MON2: variants seen among roughly 807,000 people sequenced by gnomAD.
MON2 encodes the protein protein MON2 homolog.
MON2 carries 84 observed loss-of-function variants against 208.6 expected under a neutral mutation model. The ratio of observed to expected loss-of-function variants is 0.40; its 90% CI spans 0.34 to 0.48. The LOEUF (loss-of-function observed/expected upper bound fraction) is 0.48. Ranked by LOEUF, MON2 falls within the 20% of genes least tolerant of loss-of-function variation. MON2 has a pLI of 0.59. For synonymous variants in MON2, 660 were observed against 694.0 expected, an observed-to-expected ratio of 0.95 and a Z score of 0.77; for missense variants, 1,611 against 2,015.4, an observed-to-expected ratio of 0.80 and a Z score of 3.84.
chr12:62,554,973 T>C (rs952643339), intron 24 of MON2, among the ~76,000 whole-genome samples: 1 of 151,784 alleles, frequency 6.6e-6, no homozygotes, highest in African/African-American at 2.4e-5. Flanking sequence ...TTTTTTTGTA[T>C]TTTTAGTAGA....
In MON2 at chr12:62,538,159, G is replaced by A; in HGVS notation, c.2182G>A (p.Val728Ile). ...CGGTGCCTTGAAACCTGGGAGAGCT[G>A]TAGAAGGACCCAGTACAGTAAGCTC... ...SGGALKPGRA[V>I]EGPSTVLTTA... Residue 728 changes from valine to isoleucine, a missense_variant, in exon 17 of 35, where the codon GTA becomes ATA. Physicochemically the swap from Val to Ile is conservative, Grantham distance 29 (BLOSUM62 3). Transcript: ENST00000393630. 4 of 1,613,764 alleles carry A rather than the reference G, an allele frequency of 2.5e-6. No individual in the cohort carries two copies. The highest frequency in any genetic ancestry group is 3.4e-6 in the Non-Finnish European group (4 of 1,179,818).
At chr12:62,523,917 A>G (rs1212813075) in intron 8 of MON2, among the ~76,000 whole-genome samples, 1 of 152,146 alleles carries the variant, frequency 6.6e-6, no homozygotes, top group Non-Finnish European at 1.5e-5. Context: ...TGCCTTGAAC[A>G]TTATTTATTT....
chr12:62,579,559 T>TA (rs1475755677), intron 31 of MON2, among the ~76,000 whole-genome samples: 53,369 of 137,128 alleles, frequency 0.39, 10,283 homozygotes, highest in African/African-American at 0.47. Context: ...CCGTCTCTAC[T>TA]AAAAAAAAAA....
intron 2 of MON2, among the ~76,000 whole-genome samples, chr12:62,488,114 T>C (rs1159181737): frequency 6.6e-6 from 1 of 152,174 alleles, no homozygotes; most frequent in East Asian, 1.9e-4. Flanking sequence ...TTTTTCTACC[T>C]CTCTTTAATT....
chr12:62,588,268 C>G (rs1401430706), intron 34 of MON2, 112 bp downstream of exon 34: 2 of 683,270 alleles, frequency 2.9e-6, no homozygotes, highest in Non-Finnish European at 4.9e-6. Flanking sequence ...CATTAGACTT[C>G]TTTTCTCCAG....
rs1320209914 is a variant in MON2 at position 62,541,949 on chromosome 12, A to G, written c.2365-1148A>G. Among the ~76,000 whole-genome samples the G allele has an allele frequency of 2.6e-5, 4 of 152,262 alleles. No homozygotes were observed. In the East Asian group the frequency reaches 5.8e-4, roughly 22 times the overall value. ...ACTTTCTAACATTAGATAGTTTTCT[A>G]TATTATTATTATCTTCATTTTTTAG... On this transcript the variant is annotated intron_variant, in intron 19 of 34. Transcript: ENST00000393630.
At chr12:62,587,660 T>G (rs1315361683) in intron 33 of MON2, among the ~76,000 whole-genome samples, 1 of 152,106 alleles carries the variant, frequency 6.6e-6, no homozygotes. Flanking sequence ...GAGGATCACT[T>G]GAGCGCAAGT....
intron 2 of MON2, among the ~76,000 whole-genome samples, chr12:62,486,248 C>CT (rs966920137): frequency 1.6e-5 from 2 of 127,910 alleles, no homozygotes; most frequent in East Asian, 2.0e-4. Flanking sequence ...TTGTGGAAGA[C>CT]TTTTTTTAAA....
Position 62,538,124 on chromosome 12 carries a change from C to G in MON2, c.2147C>G (p.Pro716Arg), listed in dbSNP as rs776529364. 6.8e-6 allele frequency: 11 copies of G among 1,613,552 alleles called. No individual in the cohort carries two copies. The highest frequency in any genetic ancestry group is 9.3e-6 in the Non-Finnish European group (11 of 1,179,846). Reference protein sequence around the residue: ...QHLVWILGLKPSSGGALKPGR... With the variant: ...QHLVWILGLKRSSGGALKPGR... ...CTTGTGTGGATTCTGGGATTAAAGCCTAGTAGTGGCGGTGCCTTGAAACCT... is the reference window on the plus strand; with the variant it reads ...CTTGTGTGGATTCTGGGATTAAAGCGTAGTAGTGGCGGTGCCTTGAAACCT... The change falls in exon 17 of 35, where the codon CCT becomes CGT. Residue 716 changes from proline (P) to arginine (R), a missense_variant. Coordinates refer to ENST00000393630, the MANE Select transcript of MON2 (RefSeq NM_015026.3).
At chr12:62,561,416 T>C (rs1310549121) in intron 26 of MON2, among the ~76,000 whole-genome samples, 7 of 152,174 alleles carry the variant, frequency 4.6e-5, no homozygotes, top group African/African-American at 1.7e-4. Flanking sequence ...ATATTTGGAA[T>C]AAAAGTTTTA....
At chr12:62,561,738 A>T (rs928304432) in intron 26 of MON2, among the ~76,000 whole-genome samples, 1 of 152,170 alleles carries the variant, frequency 6.6e-6, no homozygotes, top group African/African-American at 2.4e-5. Context: ...AGTCATCAAA[A>T]TGCTAAGCTT....
rs2073956719 is a variant in MON2, at chr12:62,556,097, A to G, written c.3314A>G (p.Asp1105Gly). Residue 1105 changes from aspartate to glycine, a missense_variant, in exon 25 of 35, where the codon GAC (aspartate) becomes GGC (glycine). Transcript: ENST00000393630. ...GGNILIHHSR[D>G]TAEKQWAETW... ...AATATTCTCATTCATCATTCAAGGG[A>G]CACCGCCGAGAAGCAATGGGCTGAG... 6.2e-7 allele frequency: 1 copy of G among 1,614,088 alleles called. No individual in the cohort carries two copies. The highest frequency in any genetic ancestry group is 8.5e-7 in the Non-Finnish European group (1 of 1,179,990).
rs2075519887 is a variant in MON2 at position 62,595,988 on chromosome 12, T to C, written c.*3239T>C. Reference sequence around the variant, plus strand: ...GATATTTTATTCTGGAGAATAATATTCAATTAAATTATTTCTACAGCAGGC... The same window carrying C: ...GATATTTTATTCTGGAGAATAATATCCAATTAAATTATTTCTACAGCAGGC... On this transcript the variant is annotated 3_prime_UTR_variant, in exon 35 of 35. Coordinates refer to ENST00000393630, the MANE Select transcript of MON2 (RefSeq NM_015026.3). The C allele has an allele frequency of 6.6e-6, 1 of 151,852 alleles. No individual in the cohort carries two copies. The highest frequency in any genetic ancestry group is 1.5e-5 in the Non-Finnish European group (1 of 67,924). The allele number at this position is 151,852 out of a possible 1,614,324, so 9.4% of individuals were successfully genotyped here.
At chr12:62,532,380 T>G in intron 11 of MON2, 58 bp from the exon 12 acceptor site, 1 of 1,217,238 alleles carries the variant, frequency 8.2e-7, no homozygotes, top group Non-Finnish European at 1.2e-6. Context: ...GAAAATAGTT[T>G]TATGTATTTT....
intron 30 of MON2, among the ~76,000 whole-genome samples, chr12:62,574,502 T>G (rs1167642222): frequency 6.6e-6 from 1 of 152,122 alleles, no homozygotes; most frequent in Non-Finnish European, 1.5e-5. Flanking sequence ...TCAGCCTCTC[T>G]TGTAGCTCGG....
chr12:62,570,974 C>A (rs1375485679), intron 29 of MON2, among the ~76,000 whole-genome samples: 1 of 152,040 alleles, frequency 6.6e-6, no homozygotes, highest in Non-Finnish European at 1.5e-5. Context: ...TCGTGATCCA[C>A]CCACCTTGGC....
At chr12:62,576,009 A>G (rs1482650467) in intron 30 of MON2, among the ~76,000 whole-genome samples, 2 of 152,210 alleles carry the variant, frequency 1.3e-5, no homozygotes, top group Admixed American at 6.5e-5. Flanking sequence ...TAGCAGTGTT[A>G]TTCATAGTAG....
At position 62,500,864 on chromosome 12, in the gene MON2, C is replaced by A; in HGVS notation, c.647C>A (p.Ala216Glu). 6.4e-7 allele frequency: 1 copy of A among 1,562,084 alleles called. No homozygotes were observed. Among genetic ancestry groups the A allele is most frequent in the Non-Finnish European group, 8.7e-7 (1 of 1,150,134 alleles). ...VSTLKPCAKD[A>E]YMLFQDLCQL... ...ACCCTCAAACCTTGTGCTAAAGATG[C>A]ATATATGCTTTTCCAGGTATTTTAG... Residue 216 changes from alanine (A) to glutamate (E), a missense_variant, in exon 6 of 35, where the codon GCA (alanine) becomes GAA (glutamate). By Grantham distance (107) the Ala-to-Glu change is moderately radical. Transcript: ENST00000393630.
chr12:62,502,451 G>C (rs1565622624), intron 7 of MON2, among the ~76,000 whole-genome samples: 1 of 150,658 alleles, frequency 6.6e-6, no homozygotes, highest in Non-Finnish European at 1.5e-5. Context: ...GAGAATTGTA[G>C]CCTCAAACTT....
Sources: allele counts gnomAD v4.1 joint callset (sites outside exome capture counted in the v4.1 genomes callset), GRCh38; gene constraint gnomAD v4.1.1; transcripts MANE v1.5; gene names NCBI Gene and HGNC (gene_info 2026-07-23, HGNC 2026-07-21).